CLXN: variants seen among roughly 807,000 people sequenced by gnomAD.
CLXN encodes calaxin, also known as EF-hand calcium binding domain 1.
the CLXN span, chr8:48,731,308 T>C: frequency 1.5e-4 from 230 of 1,550,660 alleles, 2 homozygotes; most frequent in South Asian, 2.3e-3. Context: ...TTTTCAGTTA[T>C]GGCTGGATTT....
the CLXN span, chr8:48,712,227 G>A: frequency 6.6e-6 from 1 of 152,250 alleles, no homozygotes; most frequent in African/African-American, 2.4e-5. Context: ...TCTGTCTTCA[G>A]GCTGTGTGGC....
the CLXN span, chr8:48,724,151 G>A: frequency 1.3e-5 from 2 of 152,046 alleles, no homozygotes; most frequent in African/African-American, 2.4e-5. Context: ...TTGCCTTCAG[G>A]TGCTTACAAT....
chr8:48,715,844 A>G, the CLXN span: 1 of 152,398 alleles, frequency 6.6e-6, no homozygotes, highest in African/African-American at 2.4e-5. Flanking sequence ...CAAGAAACAT[A>G]TAAAACCAAT....
chr8:48,724,959 C>G, the CLXN span, among the ~76,000 whole-genome samples: 2 of 152,238 alleles, frequency 1.3e-5, no homozygotes, highest in African/African-American at 4.8e-5. Context: ...GATCTCATGA[C>G]TACACTCAAA....
At chr8:48,720,616 C>T in the CLXN span, among the ~76,000 whole-genome samples, 483 of 152,336 alleles carry the variant, frequency 3.2e-3, 3 homozygotes, top group African/African-American at 0.011. Flanking sequence ...ACGTGCACCA[C>T]TGAACATAGA....
the CLXN span, among the ~76,000 whole-genome samples, chr8:48,719,648 AC>A: frequency 6.6e-6 from 1 of 152,230 alleles, no homozygotes; most frequent in African/African-American, 2.4e-5. Context: ...CAACACAATA[AC>A]AAAAAGGAAA....
At chr8:48,729,132 A>G in the CLXN span, 8 of 1,613,148 alleles carry the variant, frequency 5.0e-6, no homozygotes, top group South Asian at 1.1e-5. Flanking sequence ...ACAGCTTCCC[A>G]TCATGGTCAT....
At chr8:48,719,893 G>C in the CLXN span, among the ~76,000 whole-genome samples, 2 of 152,156 alleles carry the variant, frequency 1.3e-5, no homozygotes, top group African/African-American at 4.8e-5. Flanking sequence ...CATAGTACTG[G>C]AAGTTCTAGC....
At chr8:48,730,943 T>C in the CLXN span, among the ~76,000 whole-genome samples, 3 of 152,116 alleles carry the variant, frequency 2.0e-5, no homozygotes, top group African/African-American at 7.2e-5. Flanking sequence ...TAGATAAATA[T>C]ATGAATATAA....
chr8:48,727,647 G>A, the CLXN span, among the ~76,000 whole-genome samples: 1 of 152,154 alleles, frequency 6.6e-6, no homozygotes, highest in Non-Finnish European at 1.5e-5. Context: ...TGTGGGTGGA[G>A]AGAGGGAAAT....
At chr8:48,718,746 A>G in the CLXN span, among the ~76,000 whole-genome samples, 1 of 152,110 alleles carries the variant, frequency 6.6e-6, no homozygotes, top group East Asian at 1.9e-4. Flanking sequence ...TTTAAAAATT[A>G]TCTCAAGACA....
chr8:48,726,990 T>A, the CLXN span, among the ~76,000 whole-genome samples: 3 of 135,328 alleles, frequency 2.2e-5, no homozygotes, highest in East Asian at 6.9e-4. Context: ...ACCTCATCCA[T>A]CCACTCATCC....
chr8:48,721,986 A>G, the CLXN span, among the ~76,000 whole-genome samples: 8 of 152,248 alleles, frequency 5.3e-5, no homozygotes, highest in African/African-American at 1.9e-4. Context: ...GAAATAATCA[A>G]CAGTGAAAAG....
At chr8:48,728,999 A>G in the CLXN span, 3 of 1,466,276 alleles carry the variant, frequency 2.0e-6, no homozygotes, top group Non-Finnish European at 1.9e-6. Flanking sequence ...GGGTTGTTCT[A>G]CATTCTACTT....
chr8:48,732,306 C>A, the CLXN span, among the ~76,000 whole-genome samples: 4 of 152,062 alleles, frequency 2.6e-5, no homozygotes, highest in African/African-American at 9.7e-5. Flanking sequence ...ATTTTGAAAC[C>A]AGTCAAAACT....
the CLXN span, among the ~76,000 whole-genome samples, chr8:48,714,706 G>C: frequency 6.6e-6 from 1 of 152,168 alleles, no homozygotes; most frequent in African/African-American, 2.4e-5. Context: ...TCGTACATTG[G>C]GGATGGCAGT....
At chr8:48,720,331 G>A in the CLXN span, among the ~76,000 whole-genome samples, 2 of 152,290 alleles carry the variant, frequency 1.3e-5, no homozygotes, top group African/African-American at 4.8e-5. Context: ...AAATGGACAT[G>A]CAAGTAGGGA....
chr8:48,724,296 T>C, the CLXN span: 1 of 152,978 alleles, frequency 6.5e-6, no homozygotes, highest in Non-Finnish European at 1.5e-5. Context: ...CAATGCTCAA[T>C]AGAATACTCT....
chr8:48,724,413 T>C, the CLXN span: 6 of 182,640 alleles, frequency 3.3e-5, no homozygotes, highest in African/African-American at 1.4e-4. Flanking sequence ...ATATTTGTAT[T>C]AACAATTCAT....
Sources: allele counts gnomAD v4.1 joint callset (sites outside exome capture counted in the v4.1 genomes callset), GRCh38; gene constraint gnomAD v4.1.1; transcripts MANE v1.5; gene names NCBI Gene and HGNC (gene_info 2026-07-23, HGNC 2026-07-21).